ADCY3: variants seen among roughly 807,000 people sequenced by gnomAD.
The protein encoded by ADCY3 is adenylate cyclase type 3.
A neutral mutation model predicts 119.4 loss-of-function variants in ADCY3; 70 were observed. The observed-to-expected ratio is 0.59, with a 90% CI of 0.48 to 0.72. The LOEUF (loss-of-function observed/expected upper bound fraction) is 0.72, where lower values mean the gene tolerates loss of function less well. ADCY3 is among the 30% of genes least tolerant of loss of function. The pLI, the probability that ADCY3 is intolerant of heterozygous loss-of-function variation, is 0.00. For synonymous variants in ADCY3, 672 were observed against 621.4 expected, an observed-to-expected ratio of 1.08 and a Z score of -1.21; for missense variants, 1,238 against 1,541.6, an observed-to-expected ratio of 0.80 and a Z score of 3.30.
intron 2 of ADCY3, among the ~76,000 whole-genome samples, chr2:24,906,323 C>T (rs1480009553): frequency 1.3e-5 from 2 of 151,922 alleles, no homozygotes; most frequent in African/African-American, 4.8e-5. Context: ...ATAAAAAGAA[C>T]CACCCTAGAT....
chr2:24,829,412 ATTTTTTTTT>A (rs67246369), intron 13 of ADCY3, among the ~76,000 whole-genome samples: 7 of 63,790 alleles, frequency 1.1e-4, no homozygotes, highest in African/African-American at 2.4e-4. Context: ...GTGTGCTCCA[ATTTTTTTTT>A]TTTTTTTTTT....
chr2:24,849,319 G>A (rs549658707), intron 3 of ADCY3, among the ~76,000 whole-genome samples: 3 of 152,066 alleles, frequency 2.0e-5, no homozygotes, highest in South Asian at 2.1e-4. Context: ...GCCTCCTCCC[G>A]GTATGGCTGG....
At chr2:24,901,765 C>A (rs1419537364) in intron 2 of ADCY3, among the ~76,000 whole-genome samples, 2 of 136,998 alleles carry the variant, frequency 1.5e-5, no homozygotes, top group African/African-American at 5.6e-5. Flanking sequence ...GGCAACATAG[C>A]AAGACCTCAT....
rs146045185 is a variant in ADCY3, at chr2:24,852,714, G to A, written c.826-10330C>T. On this transcript the variant is annotated intron_variant, in intron 3 of 21. Coordinates refer to ENST00000679454, the MANE Select transcript of ADCY3 (RefSeq NM_004036.5). The stretch of plus-strand genomic sequence containing the variant: ...CGCCTGCCTGCCTCTCCACGGCCAG[G>A]AGCCGCTGCCCGAGGACCCGAGCTG... Among the ~76,000 whole-genome samples, 39 of 152,356 alleles carry A rather than the reference G, an allele frequency of 2.6e-4. No individual in the cohort carries two copies. The East Asian group carries it at 6.0e-3, about 23-fold the overall frequency.
intron 3 of ADCY3, among the ~76,000 whole-genome samples, chr2:24,863,080 C>CA (rs1553349138): frequency 6.6e-6 from 1 of 151,218 alleles, no homozygotes; most frequent in Non-Finnish European, 1.5e-5. Context: ...ATATCAGGAC[C>CA]AAAAAAAAGG....
At chr2:24,917,985 G>C (rs958943879) in intron 2 of ADCY3, among the ~76,000 whole-genome samples, 2 of 152,158 alleles carry the variant, frequency 1.3e-5, no homozygotes, top group African/African-American at 4.8e-5. Flanking sequence ...TCCTTGCCAG[G>C]GTCACTGACA....
intron 12 of ADCY3, 94 bp from the exon 13 acceptor site, chr2:24,830,919 G>A (rs1669401327): frequency 2.0e-6 from 2 of 979,980 alleles, no homozygotes; most frequent in Admixed American, 4.0e-5. Flanking sequence ...CCGTATTCCA[G>A]TCCCAGGAGC....
rs149065165 is a variant in ADCY3 at position 24,824,923 on chromosome 2, G to C, written c.2578-387C>G. Among the ~76,000 whole-genome samples, 668 of 152,256 alleles carry C rather than the reference G, an allele frequency of 4.4e-3. 2 individuals carry two copies. Among genetic ancestry groups the C allele is most frequent in the African/African-American group, 0.015 (626 of 41,548 alleles). On this transcript the variant is annotated intron_variant, in intron 16 of 21. Coordinates refer to ENST00000679454, the MANE Select transcript of ADCY3 (RefSeq NM_004036.5). ...AAGAAAAACAGGAACGTGAATGGAG[G>C]AACTCCCCTTGGAAAGGCTGGAAGG...
At position 24,867,016 on chromosome 2, in the gene ADCY3, T is replaced by C. The variant is rs558896398; in HGVS notation, c.825+5554A>G. ...ATGGGAAGAAGCAATAAAAAGATACTGGCTGAAAATGTTCAAAACTGACGA... is the reference window on the plus strand; with the variant it reads ...ATGGGAAGAAGCAATAAAAAGATACCGGCTGAAAATGTTCAAAACTGACGA... On this transcript the variant is annotated intron_variant, in intron 3 of 21. Coordinates refer to ENST00000679454, the MANE Select transcript of ADCY3 (RefSeq NM_004036.5). Among the ~76,000 whole-genome samples the C allele has an allele frequency of 1.1e-4, 16 of 152,318 alleles. No homozygotes were observed. The East Asian group carries it at 2.7e-3, about 26-fold the overall frequency.
At chr2:24,853,706 G>A (rs758546084) in intron 3 of ADCY3, among the ~76,000 whole-genome samples, 14 of 151,934 alleles carry the variant, frequency 9.2e-5, no homozygotes, top group African/African-American at 1.9e-4. Flanking sequence ...TGATCTGCCC[G>A]AGATCCTGAC....
At chr2:24,822,815 C>T (rs1667978826) in intron 18 of ADCY3, among the ~76,000 whole-genome samples, 185 bp from the exon 19 acceptor site, 1 of 152,214 alleles carries the variant, frequency 6.6e-6, no homozygotes. Flanking sequence ...CTTTCTGGGC[C>T]TGTTTCCACA....
intron 3 of ADCY3, among the ~76,000 whole-genome samples, chr2:24,866,080 A>C (rs1413564716): frequency 5.3e-5 from 8 of 152,132 alleles, no homozygotes; most frequent in Non-Finnish European, 2.9e-5. Context: ...GGGGCAAGAG[A>C]CCAAGAATCC....
rs1027616007 is a variant in ADCY3 at position 24,861,714 on chromosome 2, G to A, written c.825+10856C>T. On this transcript the variant is annotated intron_variant, in intron 3 of 21. Transcript: ENST00000679454. Reference sequence around the variant, plus strand: ...GCCCAGAGCCCACGCCACTCCCAACGTCAGCCCCAATGCCTTGGGAGGGAG... The same window carrying A: ...GCCCAGAGCCCACGCCACTCCCAACATCAGCCCCAATGCCTTGGGAGGGAG... 5.9e-5 allele frequency among the ~76,000 whole-genome samples: 9 copies of A among 152,192 alleles called. 1 individual carries two copies. The highest frequency in any genetic ancestry group is 4.6e-4 in the Admixed American group (7 of 15,280).
At chr2:24,825,959 G>C (rs1668560799) in intron 16 of ADCY3, 86 bp downstream of exon 16, 7 of 1,318,994 alleles carry the variant, frequency 5.3e-6, no homozygotes, top group Non-Finnish European at 7.6e-6. Flanking sequence ...TTCCTTAGGA[G>C]CTTGGGCTCT....
chr2:24,915,666 G>A lies in ADCY3; in HGVS notation c.675+2647C>T, dbSNP rs1402013276. Among the ~76,000 whole-genome samples the A allele has an allele frequency of 2.0e-5, 3 of 152,144 alleles. No homozygotes were observed. In the East Asian group the frequency reaches 5.8e-4, roughly 29 times the overall value. On this transcript the variant is annotated intron_variant, in intron 2 of 21. Transcript: ENST00000679454. ...AGTGATTCTCCTGCCTCAGTCTCCT[G>A]TGTAGCTGGGATTATAAGCACGCCC...
intron 2 of ADCY3, among the ~76,000 whole-genome samples, chr2:24,891,354 G>C (rs762529150): frequency 2.6e-5 from 4 of 152,156 alleles, no homozygotes; most frequent in Non-Finnish European, 5.9e-5. Flanking sequence ...TGTCCCACTA[G>C]AGATGTGAGT....
At chr2:24,882,273 T>C (rs992962053) in intron 2 of ADCY3, among the ~76,000 whole-genome samples, 2 of 152,174 alleles carry the variant, frequency 1.3e-5, no homozygotes, top group African/African-American at 4.8e-5. Context: ...CATGCAAGAA[T>C]GGACAGCTCA....
rs556896034 is a variant in ADCY3 at position 24,883,581 on chromosome 2, T to C, written c.676-10862A>G. Among the ~76,000 whole-genome samples the C allele has an allele frequency of 2.0e-5, 3 of 152,320 alleles. No homozygotes were observed. The South Asian group carries it at 6.2e-4, about 32-fold the overall frequency. ...TTTCTAACTGACGGCCAATACTAAGTGAGGCAGGAATGAAAGGGCTCCATG... is the reference window on the plus strand; with the variant it reads ...TTTCTAACTGACGGCCAATACTAAGCGAGGCAGGAATGAAAGGGCTCCATG... On this transcript the variant is annotated intron_variant, in intron 2 of 21. Transcript: ENST00000679454.
chr2:24,882,084 A>C (rs1490481365), intron 2 of ADCY3, among the ~76,000 whole-genome samples: 2 of 152,252 alleles, frequency 1.3e-5, no homozygotes, highest in Admixed American at 1.3e-4. Flanking sequence ...AATGGTGTGA[A>C]CAAGTAGATT....
Sources: allele counts gnomAD v4.1 joint callset (sites outside exome capture counted in the v4.1 genomes callset), GRCh38; gene constraint gnomAD v4.1.1; transcripts MANE v1.5; gene names NCBI Gene and HGNC (gene_info 2026-07-23, HGNC 2026-07-21).